PPAN: variants seen among roughly 807,000 people sequenced by gnomAD.
PPAN encodes suppressor of SWI4 1 homolog.
In PPAN, 39 loss-of-function variants were observed where a neutral mutation model predicts 48.5. The ratio of observed to expected loss-of-function variants is 0.80; its 90% CI spans 0.62 to 1.05. The LOEUF is 1.05. Among genes scored for constraint, PPAN ranks in the 50% least tolerant of loss-of-function variants. The pLI, the probability that PPAN is intolerant of heterozygous loss-of-function variation, is 0.00. For synonymous variants in PPAN, 315 were observed against 268.6 expected (o/e 1.17, Z -1.69); for missense variants, 736 against 661.7 (o/e 1.11, Z -1.23).
In PPAN at chr19:10,106,413, G is replaced by C. The variant is rs925808278; in HGVS notation, c.18+1G>C. 1.3e-6 allele frequency: 2 copies of C among 1,549,006 alleles called. No individual in the cohort carries two copies. Among genetic ancestry groups the C allele is most frequent in the Admixed American group, 3.9e-5 (2 of 50,840 alleles). On this transcript the variant is annotated splice_donor_variant, in intron 1 of 11. Transcript: ENST00000253107. LOFTEE classifies it high-confidence loss of function. ...CAGCAGCATGGGACAGTCAGGGAGG[G>C]TAAGGCCCGGCAGCTTGGGAGGCAG...
Position 10,111,272 on chromosome 19 carries a change from C to CTCCAGTAAGGGCCCTTCCAA in PPAN, c.*115_*116insGGGCCCTTCCAATCCAGTAA. Reference sequence around the variant, plus strand: ...AGGAGTTGTGTCCCCAGCCCTTCCACTCCAGTAAAGAACTGAATTGGCCAG... The same window carrying CTCCAGTAAGGGCCCTTCCAA: ...AGGAGTTGTGTCCCCAGCCCTTCCACTCCAGTAAGGGCCCTTCCAATCCAGTAAAGAACTGAATTGGCCAG... On this transcript the variant is annotated 3_prime_UTR_variant, in exon 12 of 12. Coordinates refer to ENST00000253107, the MANE Select transcript of PPAN (RefSeq NM_020230.7). The CTCCAGTAAGGGCCCTTCCAA allele has an allele frequency of 7.8e-7, 1 of 1,278,906 alleles. No individual in the cohort carries two copies. Among genetic ancestry groups the CTCCAGTAAGGGCCCTTCCAA allele is most frequent in the Non-Finnish European group, 1.0e-6 (1 of 955,614 alleles). The allele number at this position is 1,278,906 out of a possible 1,614,324, so 79.2% of individuals were successfully genotyped here.
In PPAN at chr19:10,109,644, C is replaced by G. The variant is rs761174667; in HGVS notation, c.527C>G (p.Thr176Ser). ...SINVHKVNLN[T>S]IKRCLLIDYN... ...CTCCCCTTCCAGGTGAACCTGAACACCATCAAGCGCTGCCTCCTCATCGAC... is the reference window on the plus strand; with the variant it reads ...CTCCCCTTCCAGGTGAACCTGAACAGCATCAAGCGCTGCCTCCTCATCGAC... The change falls in exon 6 of 12, where the codon ACC (threonine) becomes AGC (serine). Residue 176 changes from threonine (T) to serine (S), a missense_variant. Physicochemically the swap from Thr to Ser is moderately conservative, Grantham distance 58. Coordinates refer to ENST00000253107, the MANE Select transcript of PPAN (RefSeq NM_020230.7). 5 of 1,613,780 alleles carry G rather than the reference C, an allele frequency of 3.1e-6. No homozygotes were observed. The South Asian group carries it at 5.5e-5, about 18-fold the overall frequency.
Position 10,110,431 on chromosome 19 carries a change from G to C in PPAN, c.901+29G>C, listed in dbSNP as rs1195325665. The C allele has an allele frequency of 1.2e-6, 2 of 1,612,786 alleles. No homozygotes were observed. Among genetic ancestry groups the C allele is most frequent in the African/African-American group, 1.3e-5 (1 of 74,870 alleles). The stretch of plus-strand genomic sequence containing the variant: ...AGGCCGGGGCCGCCGGGGGTGGGGG[G>C]TCATGGGTGTGGAGCTGCACCCGGA... On this transcript the variant is annotated intron_variant, in intron 9 of 11. Coordinates refer to ENST00000253107, the MANE Select transcript of PPAN (RefSeq NM_020230.7). This position sits in a 1 kb window ranked among gnomAD's most constrained non-coding sequence, Gnocchi z 5.9.
intron 5 of PPAN, 40 bp from the exon 6 acceptor site, chr19:10,109,591 C>T (rs1299850159): frequency 6.3e-7 from 1 of 1,579,340 alleles, no homozygotes; most frequent in Non-Finnish European, 8.6e-7. Context: ...CAAACTTTGC[C>T]ATGAGTCTAC....
In PPAN at chr19:10,110,076, C is replaced by T. The variant is rs373731881; in HGVS notation, c.699-47C>T. The T allele has an allele frequency of 5.2e-5, 84 of 1,609,836 alleles. No homozygotes were observed. In the Admixed American group the frequency reaches 5.5e-4, roughly 11 times the overall value. On this transcript the variant is annotated intron_variant, in intron 7 of 11. Transcript: ENST00000253107. The surrounding 1 kb of genome is among the most constrained non-coding windows in gnomAD (Gnocchi z 5.9). ...CGGCCCGGGGACCCCAGAACAGGAC[C>T]GGGAGCCTGAGCTCCCCCACTGAGC... is the stretch of plus-strand genomic sequence containing the variant.
At position 10,110,925 on chromosome 19, in the gene PPAN, G is replaced by T; in HGVS notation, c.1202-20G>T. Reference sequence around the variant, plus strand: ...GCCTGTCCTTGTCTCTGGGGGCCCTGACACTGTCTCTCCCCACAGACCTGT... The same window carrying T: ...GCCTGTCCTTGTCTCTGGGGGCCCTTACACTGTCTCTCCCCACAGACCTGT... On this transcript the variant is annotated intron_variant, in intron 11 of 11. Transcript: ENST00000253107. This position sits in a 1 kb window ranked among gnomAD's most constrained non-coding sequence, Gnocchi z 5.9. The T allele has an allele frequency of 6.2e-7, 1 of 1,613,236 alleles. No homozygotes were observed. The highest frequency in any genetic ancestry group is 1.7e-5 in the Admixed American group (1 of 59,998).
At position 10,111,625 on chromosome 19, in the gene PPAN, G is replaced by A; in HGVS notation, c.*460G>A. On this transcript the variant is annotated 3_prime_UTR_variant, in exon 12 of 12. Transcript: ENST00000253107. ...GCTCTGCTGGCTGGGCCAGTAACTG[G>A]GGATGGGGCTGGGGCAGGGCCCACT... The A allele has an allele frequency of 1.3e-6, 2 of 1,507,612 alleles. No homozygotes were observed. The highest frequency in any genetic ancestry group is 1.8e-6 in the Non-Finnish European group (2 of 1,087,050). 93.4% of individuals were successfully genotyped at this position (1,507,612 alleles called of 1,614,324 possible).
At chr19:10,106,715 A>C in intron 2 of PPAN, 44 bp downstream of exon 2, 1 of 1,494,544 alleles carries the variant, frequency 6.7e-7, no homozygotes, top group Non-Finnish European at 9.0e-7. Flanking sequence ...CCCTCGGCCT[A>C]GTCTTCGTAG....
At position 10,107,940 on chromosome 19, in the gene PPAN, C is replaced by A. The variant is rs750429473; in HGVS notation, c.343-24C>A. ...GCAGCCATGTGTGGTTGGTGGTCAC[C>A]CCCTCCTCTCTCCTGTCCTACAGTA... is the stretch of plus-strand genomic sequence containing the variant. On this transcript the variant is annotated intron_variant, in intron 4 of 11. Coordinates refer to ENST00000253107, the MANE Select transcript of PPAN (RefSeq NM_020230.7). 1.9e-6 allele frequency: 3 copies of A among 1,598,368 alleles called. No homozygotes were observed. In the Admixed American group the frequency reaches 5.0e-5, roughly 27 times the overall value.
chr19:10,110,753 C>T lies in PPAN; in HGVS notation c.1088C>T (p.Ala363Val), dbSNP rs533159867. ...CGGGTCGGGGGTAGTGATGAAGAGGCCTCTGGGATCCCTTCAAGGACGGCG... is the reference window on the plus strand; with the variant it reads ...CGGGTCGGGGGTAGTGATGAAGAGGTCTCTGGGATCCCTTCAAGGACGGCG... Reference protein sequence around the residue: ...KARVGGSDEEASGIPSRTASL... With the variant: ...KARVGGSDEEVSGIPSRTASL... The change falls in exon 11 of 12, where the codon GCC becomes GTC. Residue 363 changes from alanine (A) to valine (V), a missense_variant. By Grantham distance (64) the Ala-to-Val change is moderately conservative. Transcript: ENST00000253107. The surrounding 1 kb of genome is among the most constrained non-coding windows in gnomAD (Gnocchi z 5.9). 8 of 1,613,886 alleles carry T rather than the reference C, an allele frequency of 5.0e-6. No homozygotes were observed. In the East Asian group the frequency reaches 1.3e-4, roughly 27 times the overall value.
chr19:10,108,564 C>T (rs140702089), intron 5 of PPAN, among the ~76,000 whole-genome samples: 211 of 152,034 alleles, frequency 1.4e-3, no homozygotes, highest in African/African-American at 4.8e-3. Context: ...GCCTGTGCAA[C>T]ATAGCGAGAC....
chr19:10,108,623 A>G (rs1238371802), intron 5 of PPAN, among the ~76,000 whole-genome samples: 2 of 151,932 alleles, frequency 1.3e-5, no homozygotes, highest in Non-Finnish European at 2.9e-5. Context: ...GTGGCGGTGC[A>G]TGCCTGTAGT....
At chr19:10,109,549 AGT>A in intron 5 of PPAN, 80 bp from the exon 6 acceptor site, 9 of 1,441,702 alleles carry the variant, frequency 6.2e-6, no homozygotes, top group Non-Finnish European at 8.6e-6. Flanking sequence ...GTCCACGAAC[AGT>A]GTGTGTATCC....
intron 6 of PPAN, 50 bp from the exon 7 acceptor site, chr19:10,109,863 C>T (rs777265741): frequency 6.2e-7 from 1 of 1,608,208 alleles, no homozygotes; most frequent in Non-Finnish European, 8.5e-7. Flanking sequence ...CCGCCAGCCC[C>T]ATCACGTGCC....
Position 10,108,262 on chromosome 19 carries a change from A to G in PPAN, c.513+128A>G, listed in dbSNP as rs2088908890. ...GAGCTCCTGGGTCTGCTGAGTCCTGAGGTCAAATCCCACTCCTGTGTCTGA... is the reference window on the plus strand; with the variant it reads ...GAGCTCCTGGGTCTGCTGAGTCCTGGGGTCAAATCCCACTCCTGTGTCTGA... On this transcript the variant is annotated intron_variant, in intron 5 of 11. Coordinates refer to ENST00000253107, the MANE Select transcript of PPAN (RefSeq NM_020230.7). The G allele has an allele frequency of 2.9e-6, 4 of 1,367,084 alleles. No individual in the cohort carries two copies. The African/African-American group carries it at 4.4e-5, about 15-fold the overall frequency. The allele number at this position is 1,367,084 out of a possible 1,614,324, so 84.7% of individuals were successfully genotyped here.
chr19:10,110,822 A>G lies in PPAN; in HGVS notation c.1157A>G (p.Asp386Gly). The G allele has an allele frequency of 6.2e-7, 1 of 1,614,036 alleles. No homozygotes were observed. Among genetic ancestry groups the G allele is most frequent in the Non-Finnish European group, 8.5e-7 (1 of 1,180,006 alleles). Residue 386 changes from aspartate to glycine, a missense_variant, in exon 11 of 12, where the codon GAC (aspartate) becomes GGC (glycine). Physicochemically the swap from Asp to Gly is moderately conservative, Grantham distance 94 (BLOSUM62 -1). Coordinates refer to ENST00000253107, the MANE Select transcript of PPAN (RefSeq NM_020230.7). This position sits in a 1 kb window ranked among gnomAD's most constrained non-coding sequence, Gnocchi z 5.9. ...GACGATGATGAACAGGAAGATGATG[A>G]CATCGAGTATTTCTGCCAGGCGGTG... ...GEDDDEQEDD[D>G]IEYFCQAVGE... is the part of the protein sequence containing the mutation.
chr19:10,107,614 G>A lies in PPAN; in HGVS notation c.291+8G>A. 1 of 1,614,004 alleles carries A rather than the reference G, an allele frequency of 6.2e-7. No individual in the cohort carries two copies. The highest frequency in any genetic ancestry group is 8.5e-7 in the Non-Finnish European group (1 of 1,179,994). ...GAGACCAATGTCTACTTTGTGAGTAGACGCCCTCACCCTTCATCTCCCCCA... is the reference window on the plus strand; with the variant it reads ...GAGACCAATGTCTACTTTGTGAGTAAACGCCCTCACCCTTCATCTCCCCCA... On this transcript the variant is annotated splice_region_variant and intron_variant, in intron 3 of 11. Transcript: ENST00000253107.
At chr19:10,108,917 C>T (rs1015806276) in intron 5 of PPAN, among the ~76,000 whole-genome samples, 1 of 151,314 alleles carries the variant, frequency 6.6e-6, no homozygotes, top group African/African-American at 2.4e-5. Context: ...AGATATCAGT[C>T]ATCAGGGAGG....
rs954671333 is a variant in PPAN, at chr19:10,111,888, G to A, written c.*723G>A. The A allele has an allele frequency of 5.9e-6, 5 of 840,620 alleles. No homozygotes were observed. Among genetic ancestry groups the A allele is most frequent in the Non-Finnish European group, 9.5e-6 (5 of 524,414 alleles). 52.1% of individuals were successfully genotyped at this position (840,620 alleles called of 1,614,324 possible). On this transcript the variant is annotated 3_prime_UTR_variant, in exon 12 of 12. Transcript: ENST00000253107. Reference sequence around the variant, plus strand: ...GCACTTTGGGAGGTCGAGGGGGGTGGAACACGAGGTCAGGGGTTCGAGACC... The same window carrying A: ...GCACTTTGGGAGGTCGAGGGGGGTGAAACACGAGGTCAGGGGTTCGAGACC...
Sources: allele counts gnomAD v4.1 joint callset (sites outside exome capture counted in the v4.1 genomes callset), GRCh38; gene constraint gnomAD v4.1.1; non-coding constraint Gnocchi (gnomAD v3.1); transcripts MANE v1.5; gene names NCBI Gene and HGNC (gene_info 2026-07-23, HGNC 2026-07-21).